STIM1: variants seen among roughly 807,000 people sequenced by gnomAD.
STIM1 encodes stromal interaction molecule 1.
STIM1 carries 25 observed loss-of-function variants against 74.7 expected under a neutral mutation model. That is an observed-to-expected ratio of 0.33 (90% CI 0.24 to 0.47). The LOEUF is 0.47. Ranked by LOEUF, STIM1 falls within the 20% of genes least tolerant of loss-of-function variation. The probability of loss-of-function intolerance (pLI) is 1.00; values close to 1 mark genes in which losing one functional copy is unlikely to be tolerated. For missense variants in STIM1, 728 were observed against 920.8 expected (o/e 0.79, Z 2.71); for synonymous variants, 328 against 348.8 (o/e 0.94, Z 0.66).
chr11:3,989,558 C>T (rs1297127942), intron 2 of STIM1: 1 of 538,416 alleles, frequency 1.9e-6, no homozygotes, highest in Non-Finnish European at 3.5e-6. Context: ...CCGCTCCTCC[C>T]GCCGCCCGAG....
At position 3,930,880 on chromosome 11, in the gene STIM1, GCT is replaced by G. The variant is rs1383314973; in HGVS notation, c.140-36669_140-36668del. Among the ~76,000 whole-genome samples the G allele has an allele frequency of 1.3e-5, 2 of 152,194 alleles. 1 individual carries two copies. Among genetic ancestry groups the G allele is most frequent in the Admixed American group, 1.3e-4 (2 of 15,278 alleles). On this transcript the variant is annotated intron_variant, in intron 1 of 12. Coordinates refer to ENST00000526596, the MANE Select transcript of STIM1 (RefSeq NM_001382567.1). ...TACTCCAGAATCATTTTGGGCTGGAGCTCTGTCATTCATTCATGTATTCAATC... is the reference window on the plus strand; with the variant it reads ...TACTCCAGAATCATTTTGGGCTGGAGCTGTCATTCATTCATGTATTCAATC...
intron 1 of STIM1, among the ~76,000 whole-genome samples, chr11:3,897,334 A>G (rs2135415556): frequency 6.6e-6 from 1 of 152,224 alleles, no homozygotes; most frequent in Non-Finnish European, 1.5e-5. Flanking sequence ...CTCTTGGAAT[A>G]CTGGTCTATT....
chr11:4,045,920 C>A (rs2094189050), intron 3 of STIM1, among the ~76,000 whole-genome samples: 1 of 151,250 alleles, frequency 6.6e-6, no homozygotes, highest in Admixed American at 6.6e-5. Flanking sequence ...GCACGTGACA[C>A]CATGCCCAGC....
intron 1 of STIM1, among the ~76,000 whole-genome samples, chr11:3,860,527 G>T (rs1007304249): frequency 6.6e-6 from 1 of 152,216 alleles, no homozygotes; most frequent in South Asian, 2.1e-4. Flanking sequence ...GCTGTGGGAA[G>T]CCCAGAGGAG....
intron 3 of STIM1, among the ~76,000 whole-genome samples, chr11:4,035,417 T>C (rs182690492): frequency 3.5e-4 from 54 of 152,228 alleles, no homozygotes; most frequent in Admixed American, 1.4e-3. Flanking sequence ...CTTAATAATA[T>C]GTTCTAATTT....
chr11:3,947,920 G>A (rs1048566829), intron 1 of STIM1, among the ~76,000 whole-genome samples: 1 of 152,194 alleles, frequency 6.6e-6, no homozygotes, highest in Non-Finnish European at 1.5e-5. Flanking sequence ...ATGTAGAAGT[G>A]ATCAACATAG....
intron 3 of STIM1, among the ~76,000 whole-genome samples, chr11:4,027,810 C>T (rs2094010300): frequency 1.3e-5 from 2 of 152,046 alleles, no homozygotes; most frequent in Admixed American, 6.6e-5. Context: ...CCAGCCCCTA[C>T]AGGATCATAT....
At chr11:4,071,506 C>G (rs1020887789) in intron 6 of STIM1, among the ~76,000 whole-genome samples, 7 of 151,856 alleles carry the variant, frequency 4.6e-5, no homozygotes, top group African/African-American at 1.7e-4. Flanking sequence ...CCATGCCTGG[C>G]TAATTTTTTT....
chr11:4,013,412 G>A (rs551666121), intron 2 of STIM1, among the ~76,000 whole-genome samples: 22 of 152,214 alleles, frequency 1.4e-4, no homozygotes, highest in African/African-American at 4.1e-4. Context: ...CCTGTTATTG[G>A]TCTGTTCAAA....
At chr11:3,876,962 C>A (rs186302724) in intron 1 of STIM1, among the ~76,000 whole-genome samples, 123 of 152,266 alleles carry the variant, frequency 8.1e-4, no homozygotes, top group African/African-American at 2.7e-3. Flanking sequence ...TATTTGGGTT[C>A]TGCCCAGCCC....
intron 3 of STIM1, among the ~76,000 whole-genome samples, chr11:4,054,045 C>G (rs529270280): frequency 1.3e-5 from 2 of 152,210 alleles, no homozygotes; most frequent in Non-Finnish European, 2.9e-5. Flanking sequence ...CTAGTGCCAT[C>G]GAGCAACTGA....
chr11:4,055,754 T>A, intron 4 of STIM1, 117 bp downstream of exon 4: 1 of 714,936 alleles, frequency 1.4e-6, no homozygotes, highest in Non-Finnish European at 2.4e-6. Context: ...GGGCAGCGTC[T>A]ATAGATCTTG....
At chr11:3,946,741 A>G (rs2093079446) in intron 1 of STIM1, among the ~76,000 whole-genome samples, 1 of 152,158 alleles carries the variant, frequency 6.6e-6, no homozygotes, top group African/African-American at 2.4e-5. Context: ...TCCAGGGCCA[A>G]AACACTACCC....
At chr11:3,980,553 C>T (rs1308101033) in intron 2 of STIM1, among the ~76,000 whole-genome samples, 2 of 148,776 alleles carry the variant, frequency 1.3e-5, no homozygotes, top group East Asian at 2.0e-4. Context: ...ACAGGAGGAT[C>T]GCTTGAGGCC....
chr11:3,908,797 C>A (rs989381891), intron 1 of STIM1, among the ~76,000 whole-genome samples: 1 of 152,030 alleles, frequency 6.6e-6, no homozygotes, highest in Non-Finnish European at 1.5e-5. Flanking sequence ...AGAAGAAAGC[C>A]GAAGTCTGAA....
chr11:3,994,548 T>C (rs1458719896), intron 2 of STIM1, among the ~76,000 whole-genome samples: 1 of 150,060 alleles, frequency 6.7e-6, no homozygotes, highest in Non-Finnish European at 1.5e-5. Flanking sequence ...CCAATCTGAC[T>C]CCTGGGTTCA....
At chr11:4,011,817 G>A (rs985097406) in intron 2 of STIM1, among the ~76,000 whole-genome samples, 1 of 152,154 alleles carries the variant, frequency 6.6e-6, no homozygotes, top group Non-Finnish European at 1.5e-5. Flanking sequence ...GTCCTGAATG[G>A]TATTGCCTAG....
At chr11:3,903,938 C>T (rs2092408985) in intron 1 of STIM1, among the ~76,000 whole-genome samples, 1 of 152,132 alleles carries the variant, frequency 6.6e-6, no homozygotes, top group African/African-American at 2.4e-5. Flanking sequence ...GTGGCTCACG[C>T]CTGTAATCCC....
intron 8 of STIM1, 134 bp from the exon 9 acceptor site, chr11:4,082,746 CCT>C: frequency 1.4e-6 from 1 of 722,180 alleles, no homozygotes; most frequent in Non-Finnish European, 2.4e-6. Context: ...TTCTCTTTTT[CCT>C]CTTTCTCTTC....
Sources: gnomAD v4.1 joint callset for allele counts (sites outside exome capture counted in the v4.1 genomes callset) on GRCh38, gnomAD v4.1.1 for gene constraint, MANE v1.5 for transcripts, NCBI Gene and HGNC (gene_info 2026-07-23, HGNC 2026-07-21) for gene names.